PDE7B: variants seen among roughly 807,000 people sequenced by gnomAD.
The protein encoded by PDE7B is phosphodiesterase 7B, also known as 3',5'-cyclic-AMP phosphodiesterase 7B.
PDE7B carries 29 observed loss-of-function variants against 56.2 expected under a neutral mutation model. The ratio of observed to expected loss-of-function variants is 0.52; its 90% CI spans 0.38 to 0.70. PDE7B has a LOEUF of 0.70. PDE7B is among the 30% of genes least tolerant of loss of function. The probability of loss-of-function intolerance (pLI) is 0.00; values close to 1 mark genes in which losing one functional copy is unlikely to be tolerated. For synonymous variants in PDE7B, 197 were observed against 196.9 expected (o/e 1.00, Z 0.00); for missense variants, 490 against 565.0 (o/e 0.87, Z 1.35).
chr6:136,129,585 A>G (rs1334740405), intron 3 of PDE7B, among the ~76,000 whole-genome samples: 1 of 152,236 alleles, frequency 6.6e-6, no homozygotes, highest in Non-Finnish European at 1.5e-5. Context: ...GAAACTCTCC[A>G]GGAGCAGAAG....
intron 2 of PDE7B, among the ~76,000 whole-genome samples, chr6:136,007,569 A>T (rs755584693): frequency 6.6e-6 from 1 of 152,006 alleles, no homozygotes; most frequent in African/African-American, 2.4e-5. Context: ...AATGAGGATG[A>T]CATGTAGCTG....
At chr6:136,041,450 A>G (rs1238240178) in intron 2 of PDE7B, among the ~76,000 whole-genome samples, 1 of 152,224 alleles carries the variant, frequency 6.6e-6, no homozygotes, top group African/African-American at 2.4e-5. Context: ...AGTGCCAGAG[A>G]GAAGGTGATA....
rs1204287963 is a variant in PDE7B at position 135,851,803 on chromosome 6, CT to C, written c.-193del. The stretch of plus-strand genomic sequence containing the variant: ...GAGAGTCTCTCTTTCTACCTTCCTT[CT>C]TTCTCGATCTCCTTGTGTGCTTTTG... On this transcript the variant is annotated 5_prime_UTR_variant, in exon 1 of 13. Transcript: ENST00000308191. 1.8e-6 allele frequency: 1 copy of C among 565,902 alleles called. No homozygotes were observed. The highest frequency in any genetic ancestry group is 3.1e-6 in the Non-Finnish European group (1 of 319,636). The allele number at this position is 565,902 out of a possible 1,614,324, so 35.1% of individuals were successfully genotyped here.
At chr6:136,125,209 A>C (rs1319583783) in intron 3 of PDE7B, among the ~76,000 whole-genome samples, 1 of 152,190 alleles carries the variant, frequency 6.6e-6, no homozygotes, top group Non-Finnish European at 1.5e-5. Context: ...TGTATATTTT[A>C]ACATGTACTA....
At chr6:136,058,925 C>A (rs1226587335) in intron 2 of PDE7B, among the ~76,000 whole-genome samples, 1 of 151,992 alleles carries the variant, frequency 6.6e-6, no homozygotes, top group Non-Finnish European at 1.5e-5. Context: ...GAAAGTAAGC[C>A]TTTTAGGTTC....
At chr6:136,128,557 C>T (rs892893293) in intron 3 of PDE7B, among the ~76,000 whole-genome samples, 2 of 151,716 alleles carry the variant, frequency 1.3e-5, no homozygotes, top group African/African-American at 4.9e-5. Flanking sequence ...GAACTGGGAC[C>T]CCCCCACCCC....
At chr6:135,880,298 T>C (rs1357204707) in intron 1 of PDE7B, among the ~76,000 whole-genome samples, 1 of 152,208 alleles carries the variant, frequency 6.6e-6, no homozygotes, top group African/African-American at 2.4e-5. Flanking sequence ...CTTGGGGCCA[T>C]GTACTTTGGG....
At chr6:135,919,004 A>G (rs550397138) in intron 1 of PDE7B, among the ~76,000 whole-genome samples, 1 of 152,356 alleles carries the variant, frequency 6.6e-6, no homozygotes, top group Non-Finnish European at 1.5e-5. Flanking sequence ...AACTCCCCAA[A>G]TTATTATTCC....
At chr6:136,133,108 A>G (rs992857157) in intron 3 of PDE7B, among the ~76,000 whole-genome samples, 1 of 152,192 alleles carries the variant, frequency 6.6e-6, no homozygotes, top group Admixed American at 6.5e-5. Context: ...ACCTATAAAG[A>G]AAAAGGAATT....
intron 1 of PDE7B, among the ~76,000 whole-genome samples, chr6:135,904,645 G>A (rs962343692): frequency 2.0e-5 from 3 of 152,120 alleles, no homozygotes; most frequent in African/African-American, 7.2e-5. Context: ...ACACTGTGAT[G>A]TAAAATAACT....
intron 3 of PDE7B, among the ~76,000 whole-genome samples, chr6:136,124,515 A>G (rs1186432717): frequency 6.6e-6 from 1 of 152,228 alleles, no homozygotes; most frequent in African/African-American, 2.4e-5. Flanking sequence ...AAGTGTCCAC[A>G]TCCCCTGAGG....
At chr6:135,929,249 A>G (rs192305011) in intron 1 of PDE7B, among the ~76,000 whole-genome samples, 59 of 149,676 alleles carry the variant, frequency 3.9e-4, no homozygotes, top group Admixed American at 3.3e-3. Context: ...GTTACATCAT[A>G]TTTTTTTTTT....
chr6:135,880,132 A>G (rs1449144343), intron 1 of PDE7B, among the ~76,000 whole-genome samples: 2 of 152,068 alleles, frequency 1.3e-5, no homozygotes, highest in African/African-American at 4.8e-5. Context: ...ACATCCTGAC[A>G]TTGCTGACAT....
chr6:136,089,482 A>G (rs558978519), intron 2 of PDE7B, among the ~76,000 whole-genome samples: 11 of 152,298 alleles, frequency 7.2e-5, no homozygotes, highest in South Asian at 2.1e-4. Flanking sequence ...GAAAGATGCA[A>G]TTGTTCATTT....
intron 1 of PDE7B, among the ~76,000 whole-genome samples, chr6:135,927,967 G>A (rs185977927): frequency 6.6e-6 from 1 of 152,178 alleles, no homozygotes; most frequent in Non-Finnish European, 1.5e-5. Context: ...ATTAAAAATT[G>A]GGCATCAGTC....
At chr6:136,119,532 T>C (rs546459719) in intron 3 of PDE7B, among the ~76,000 whole-genome samples, 64 of 152,174 alleles carry the variant, frequency 4.2e-4, no homozygotes, top group Admixed American at 2.5e-3. Context: ...TGGTTGGAAA[T>C]TGTGAAGTTG....
intron 2 of PDE7B, among the ~76,000 whole-genome samples, chr6:136,104,357 A>G (rs1777613851): frequency 6.6e-6 from 1 of 152,160 alleles, no homozygotes; most frequent in African/African-American, 2.4e-5. Flanking sequence ...CAAGGACTCA[A>G]TGAATAGTCA....
At chr6:136,087,693 G>A (rs1164187565) in intron 2 of PDE7B, among the ~76,000 whole-genome samples, 1 of 152,178 alleles carries the variant, frequency 6.6e-6, no homozygotes, top group Non-Finnish European at 1.5e-5. Context: ...AACAGCATCG[G>A]CTTCTCTAGA....
chr6:136,022,384 TTAA>T (rs1349843489), intron 2 of PDE7B, among the ~76,000 whole-genome samples: 1 of 152,208 alleles, frequency 6.6e-6, no homozygotes, highest in East Asian at 1.9e-4. Context: ...TGTTGGATGC[TTAA>T]TGATGTTAAA....
Sources: allele counts gnomAD v4.1 joint callset (sites outside exome capture counted in the v4.1 genomes callset), GRCh38; gene constraint gnomAD v4.1.1; transcripts MANE v1.5; gene names NCBI Gene and HGNC (gene_info 2026-07-23, HGNC 2026-07-21).